The following JUND variants were observed in gnomAD, a reference collection of about 807,000 sequenced individuals.
JUND encodes transcription factor JunD.
Under a neutral mutation model 7.1 loss-of-function variants are expected in JUND, and 2 were observed. The ratio of observed to expected loss-of-function variants is 0.28; its 90% CI spans 0.11 to 0.88. The LOEUF is 0.88. Among genes scored for constraint, JUND ranks in the 40% least tolerant of loss-of-function variants. JUND has a pLI of 0.60. For synonymous variants in JUND, 335 were observed against 263.2 expected (o/e 1.27, Z -2.64); for missense variants, 479 against 519.1 (o/e 0.92, Z 0.75).
In JUND at chr19:18,280,564, G is replaced by C. The variant is rs748513125; in HGVS notation, c.921C>G (p.Asn307Lys). The C allele has an allele frequency of 6.2e-7, 1 of 1,612,748 alleles. No homozygotes were observed. The highest frequency in any genetic ancestry group is 8.5e-7 in the Non-Finnish European group (1 of 1,179,772). Residue 307 changes from asparagine (N) to lysine (K), a missense_variant, in exon 1 of 1, where the codon AAC becomes AAG. Physicochemically the swap from Asn to Lys is moderately conservative, Grantham distance 94 (BLOSUM62 0). This residue lies in a region of JUND where 63 missense variants were observed against 116.6 expected (regional missense o/e 0.54). Transcript: ENST00000252818. The surrounding 1 kb of genome is among the most constrained non-coding windows in gnomAD (Gnocchi z 4.1). ...EEKVKTLKSQNTELASTASLL... is the reference protein window; with the variant it reads ...EEKVKTLKSQKTELASTASLL... ...GGCTCGCCGTGGACGCCAGCTCCGT[G>C]TTCTGACTCTTGAGGGTCTTCACTT...
rs555333015 is a variant in JUND at position 18,281,080 on chromosome 19, C to G, written c.405G>C (p.Glu135Asp). 3 of 1,577,454 alleles carry G rather than the reference C, an allele frequency of 1.9e-6. No individual in the cohort carries two copies. The highest frequency in any genetic ancestry group is 2.3e-5 in the South Asian group (2 of 87,738). The change falls in exon 1 of 1, where the codon GAG (glutamate) becomes GAC (aspartate). Residue 135 changes from glutamate to aspartate, a missense_variant. Physicochemically the swap from Glu to Asp is conservative, Grantham distance 45 (BLOSUM62 2). Coordinates refer to ENST00000252818, the MANE Select transcript of JUND (RefSeq NM_005354.6). ...GGGCCTTGACGAAGCCCTCGGCGAA[C>G]TCCTGCTCCTCGCTGGCCGCCACCT... ...YPKVAASEEQ[E>D]FAEGFVKALE...
Position 18,280,801 on chromosome 19 carries a change from T to TG in JUND, c.683dup (p.Gly229ArgfsTer195), listed in dbSNP as rs747538658. 1.3e-6 allele frequency: 2 copies of TG among 1,572,722 alleles called. No individual in the cohort carries two copies. The highest frequency in any genetic ancestry group is 1.4e-5 in the African/African-American group (1 of 71,872). On this transcript the variant is annotated frameshift_variant, in exon 1 of 1. Coordinates refer to ENST00000252818, the MANE Select transcript of JUND (RefSeq NM_005354.6). LOFTEE classifies it high-confidence loss of function. The surrounding 1 kb of genome is among the most constrained non-coding windows in gnomAD (Gnocchi z 4.1). ...CCAGGCGCGGCGGCCCCAACGCGCC[T>TG]GGGGGTGGCGGCGGCGGGAAGGGCA...
chr19:18,280,192 A>C lies in JUND; in HGVS notation c.*249T>G. The C allele has an allele frequency of 3.1e-5, 13 of 419,102 alleles. No individual in the cohort carries two copies. The highest frequency in any genetic ancestry group is 6.5e-4 in the Middle Eastern group (1 of 1,530). 26.0% of individuals were successfully genotyped at this position (419,102 alleles called of 1,614,324 possible). A position where few individuals can be genotyped will look rare whatever the true frequency, so the allele number is the denominator to read the frequency against. On this transcript the variant is annotated 3_prime_UTR_variant, in exon 1 of 1. Transcript: ENST00000252818. The surrounding 1 kb of genome is among the most constrained non-coding windows in gnomAD (Gnocchi z 4.1). ...CAACACGGGGCGGCCGCGCGGGGGA[A>C]AGAGGCAGCGCGAGGGCGGGGGGGT...
Position 18,280,261 on chromosome 19 carries a change from T to TCCGGGGCGCCCCTTCCGAGG in JUND, c.*179_*180insCCTCGGAAGGGGCGCCCCGG. ...GGAGCAGGGGGTCCAGCTTGTCGAG[T>TCCGGGGCGCCCCTTCCGAGG]CCTGGGCACCCTCGGGGGGGGGGAA... On this transcript the variant is annotated 3_prime_UTR_variant, in exon 1 of 1. Coordinates refer to ENST00000252818, the MANE Select transcript of JUND (RefSeq NM_005354.6). This position sits in a 1 kb window ranked among gnomAD's most constrained non-coding sequence, Gnocchi z 4.1. The TCCGGGGCGCCCCTTCCGAGG allele has an allele frequency of 1.9e-6, 1 of 535,246 alleles. No individual in the cohort carries two copies. The allele number at this position is 535,246 out of a possible 1,614,324, so 33.2% of individuals were successfully genotyped here. A position where few individuals can be genotyped will look rare whatever the true frequency, so the allele number is the denominator to read the frequency against.
chr19:18,280,739 A>C lies in JUND; in HGVS notation c.746T>G (p.Val249Gly), dbSNP rs775778795. 1 of 1,607,826 alleles carries C rather than the reference A, an allele frequency of 6.2e-7. No homozygotes were observed. Among genetic ancestry groups the C allele is most frequent in the East Asian group, 2.2e-5 (1 of 44,750 alleles). ...CGGCGGGCTCTCGCCGAAGCTCGGCACGTCGGGCACCGTCTGTGGCTCGTC... is the reference window on the plus strand; with the variant it reads ...CGGCGGGCTCTCGCCGAAGCTCGGCCCGTCGGGCACCGTCTGTGGCTCGTC... ...LKDEPQTVPD[V>G]PSFGESPPLS... is the part of the protein sequence containing the mutation. The change falls in exon 1 of 1, where the codon GTG (valine) becomes GGG (glycine). Residue 249 changes from valine (V) to glycine (G), a missense_variant. Physicochemically the swap from Val to Gly is moderately radical, Grantham distance 109. This residue lies in a region of JUND where 63 missense variants were observed against 116.6 expected (regional missense o/e 0.54). Transcript: ENST00000252818. The surrounding 1 kb of genome is among the most constrained non-coding windows in gnomAD (Gnocchi z 4.1).
In JUND at chr19:18,280,231, C is replaced by G; in HGVS notation, c.*210G>C. ...GGGCGGGGGGGTCATGCGCTCGCCCCCCCGGGAGCAGGGGGTCCAGCTTGT... is the reference window on the plus strand; with the variant it reads ...GGGCGGGGGGGTCATGCGCTCGCCCGCCCGGGAGCAGGGGGTCCAGCTTGT... On this transcript the variant is annotated 3_prime_UTR_variant, in exon 1 of 1. Coordinates refer to ENST00000252818, the MANE Select transcript of JUND (RefSeq NM_005354.6). The surrounding 1 kb of genome is among the most constrained non-coding windows in gnomAD (Gnocchi z 4.1). 4.5e-6 allele frequency: 1 copy of G among 221,092 alleles called. No individual in the cohort carries two copies. Among genetic ancestry groups the G allele is most frequent in the South Asian group, 4.3e-5 (1 of 23,188 alleles). The allele number at this position is 221,092 out of a possible 1,614,324, so 13.7% of individuals were successfully genotyped here. A position where few individuals can be genotyped will look rare whatever the true frequency, so the allele number is the denominator to read the frequency against.
Position 18,281,518 on chromosome 19 carries a change from G to A in JUND, c.-34C>T, listed in dbSNP as rs983396538. The A allele has an allele frequency of 2.8e-5, 33 of 1,183,514 alleles. No individual in the cohort carries two copies. The highest frequency in any genetic ancestry group is 4.9e-5 in the African/African-American group (3 of 61,414). 73.3% of individuals were successfully genotyped at this position (1,183,514 alleles called of 1,614,324 possible). On this transcript the variant is annotated 5_prime_UTR_variant, in exon 1 of 1. Coordinates refer to ENST00000252818, the MANE Select transcript of JUND (RefSeq NM_005354.6). ...TCCCCCGCCGCGCCGGCCCGGGGGG[G>A]AGTGGCCGCGGCCTCCCGGGGGGCC...
chr19:18,280,420 G>T lies in JUND; in HGVS notation c.*21C>A. 2 of 1,541,836 alleles carry T rather than the reference G, an allele frequency of 1.3e-6. No homozygotes were observed. The highest frequency in any genetic ancestry group is 8.7e-7 in the Non-Finnish European group (1 of 1,145,824). ...CCCGCCCCTTGGGGAGGGTGGCCGC[G>T]CATGCGCCCCGCGCGCGGACTCAGT... is the stretch of plus-strand genomic sequence containing the variant. On this transcript the variant is annotated 3_prime_UTR_variant, in exon 1 of 1. Coordinates refer to ENST00000252818, the MANE Select transcript of JUND (RefSeq NM_005354.6). This position sits in a 1 kb window ranked among gnomAD's most constrained non-coding sequence, Gnocchi z 4.1.
In JUND at chr19:18,281,285, GCGGC is replaced by G; in HGVS notation, c.196_199del (p.Ala66ArgfsTer30). On this transcript the variant is annotated frameshift_variant, in exon 1 of 1. Transcript: ENST00000252818. LOFTEE classifies it low-confidence loss of function (END_TRUNC). The stretch of plus-strand genomic sequence containing the variant: ...GGCGCGCAGGGGGGTAGGAGGCGGC[GCGGC>G]CGCAGGCTTGAGCGCTGCCGCCACC... The G allele has an allele frequency of 7.1e-7, 1 of 1,415,686 alleles. No homozygotes were observed. The highest frequency in any genetic ancestry group is 9.1e-7 in the Non-Finnish European group (1 of 1,093,166). The allele number at this position is 1,415,686 out of a possible 1,614,324, so 87.7% of individuals were successfully genotyped here.
In JUND at chr19:18,280,560, C is replaced by T. The variant is rs1428317670; in HGVS notation, c.925G>A (p.Glu309Lys). The change falls in exon 1 of 1, where the codon GAG becomes AAG. Residue 309 changes from glutamate to lysine, a missense_variant. Coordinates refer to ENST00000252818, the MANE Select transcript of JUND (RefSeq NM_005354.6). The surrounding 1 kb of genome is among the most constrained non-coding windows in gnomAD (Gnocchi z 4.1). ...KVKTLKSQNT[E>K]LASTASLLRE... ...AGCAGGCTCGCCGTGGACGCCAGCT[C>T]CGTGTTCTGACTCTTGAGGGTCTTC... The T allele has an allele frequency of 6.2e-7, 1 of 1,612,796 alleles. No individual in the cohort carries two copies. The highest frequency in any genetic ancestry group is 1.7e-5 in the Admixed American group (1 of 59,992).
Position 18,281,235 on chromosome 19 carries a change from G to A in JUND, c.250C>T (p.Pro84Ser), listed in dbSNP as rs754397988. 147 of 1,486,374 alleles carry A rather than the reference G, an allele frequency of 9.9e-5. No individual in the cohort carries two copies. The highest frequency in any genetic ancestry group is 9.5e-4 in the Admixed American group (43 of 45,140). The allele number at this position is 1,486,374 out of a possible 1,614,324, so 92.1% of individuals were successfully genotyped here. ...TCGGGAGAGGCGAGCAGGCCGTCGG[G>A]GGGTGCCGCGCTGGGGGCGCCGTCG... ...RADGAPSAAP[P>S]DGLLASPDLG... Residue 84 changes from proline to serine, a missense_variant, in exon 1 of 1, where the codon CCC (proline) becomes TCC (serine). Pro to Ser is a moderately conservative substitution (Grantham distance 74, BLOSUM62 -1). This residue lies in a region of JUND where 374 missense variants were observed against 365.4 expected (regional missense o/e 1.02). Coordinates refer to ENST00000252818, the MANE Select transcript of JUND (RefSeq NM_005354.6).
rs1017860053 is a variant in JUND, at chr19:18,280,369, G to T, written c.*72C>A. The T allele has an allele frequency of 6.7e-7, 1 of 1,493,890 alleles. No homozygotes were observed. The highest frequency in any genetic ancestry group is 8.9e-7 in the Non-Finnish European group (1 of 1,123,610). The allele number at this position is 1,493,890 out of a possible 1,614,324, so 92.5% of individuals were successfully genotyped here. The stretch of plus-strand genomic sequence containing the variant: ...CAGGGCCGCACCCTCTCCAAGTCCG[G>T]GGCGCCCACGACACCCCCCCGCGAG... On this transcript the variant is annotated 3_prime_UTR_variant, in exon 1 of 1. Coordinates refer to ENST00000252818, the MANE Select transcript of JUND (RefSeq NM_005354.6). The surrounding 1 kb of genome is among the most constrained non-coding windows in gnomAD (Gnocchi z 4.1).
chr19:18,280,803 G>A lies in JUND; in HGVS notation c.682C>T (p.Pro228Ser). The A allele has an allele frequency of 6.4e-7, 1 of 1,571,590 alleles. No homozygotes were observed. Among genetic ancestry groups the A allele is most frequent in the Non-Finnish European group, 8.6e-7 (1 of 1,167,988 alleles). Residue 228 changes from proline (P) to serine (S), a missense_variant, in exon 1 of 1, where the codon CCA (proline) becomes TCA (serine). Transcript: ENST00000252818. This position sits in a 1 kb window ranked among gnomAD's most constrained non-coding sequence, Gnocchi z 4.1. The stretch of plus-strand genomic sequence containing the variant: ...AGGCGCGGCGGCCCCAACGCGCCTG[G>A]GGGTGGCGGCGGCGGGAAGGGCACA... ...EPVPFPPPPP[P>S]GALGPPRLAA...
In JUND at chr19:18,281,495, C is replaced by T; in HGVS notation, c.-11G>A. 7.9e-7 allele frequency: 1 copy of T among 1,271,934 alleles called. No individual in the cohort carries two copies. The highest frequency in any genetic ancestry group is 9.9e-7 in the Non-Finnish European group (1 of 1,011,552). 78.8% of individuals were successfully genotyped at this position (1,271,934 alleles called of 1,614,324 possible). A position where few individuals can be genotyped will look rare whatever the true frequency, so the allele number is the denominator to read the frequency against. ...GAAGGGTGTTTCCATCCTCCGCCTC[C>T]CCCGCCGCGCCGGCCCGGGGGGGAG... On this transcript the variant is annotated 5_prime_UTR_variant, in exon 1 of 1. Coordinates refer to ENST00000252818, the MANE Select transcript of JUND (RefSeq NM_005354.6).
Position 18,281,371 on chromosome 19 carries a change from C to A in JUND, c.114G>T (p.Thr38=), listed in dbSNP as rs1046820265. Reference sequence around the variant, plus strand: ...TCTTCATCATGCTGCCGGCCGCGGCCGTCGGGGGCGCCCCGGGGAACAAGC... The same window carrying A: ...TCTTCATCATGCTGCCGGCCGCGGCAGTCGGGGGCGCCCCGGGGAACAAGC... ...PGRLFPGAPP[T]AAAGSMMKKD... is the part of the protein sequence containing the mutation. The change falls in exon 1 of 1, where the codon ACG becomes ACT. Residue 38 remains threonine (T), a synonymous_variant. Transcript: ENST00000252818. 1 of 1,341,926 alleles carries A rather than the reference C, an allele frequency of 7.5e-7. No individual in the cohort carries two copies. Among genetic ancestry groups the A allele is most frequent in the Admixed American group, 4.1e-5 (1 of 24,288 alleles). 83.1% of individuals were successfully genotyped at this position (1,341,926 alleles called of 1,614,324 possible). A position where few individuals can be genotyped will look rare whatever the true frequency, so the allele number is the denominator to read the frequency against.
Position 18,280,648 on chromosome 19 carries a change from G to A in JUND, c.837C>T (p.Arg279=), listed in dbSNP as rs1429003007. The A allele has an allele frequency of 1.2e-6, 2 of 1,612,564 alleles. No individual in the cohort carries two copies. Among genetic ancestry groups the A allele is most frequent in the Non-Finnish European group, 1.7e-6 (2 of 1,179,746 alleles). ...GCTTGCGGCACTTGGAGGCGGCGAT[G>A]CGGTTGCGCAGCCGCTTGCGCTCCG... is the stretch of plus-strand genomic sequence containing the variant. ...IKAERKRLRN[R]IAASKCRKRK... is the part of the protein sequence containing the mutation. Residue 279 remains arginine, a synonymous_variant, in exon 1 of 1, where the codon CGC becomes CGT. Coordinates refer to ENST00000252818, the MANE Select transcript of JUND (RefSeq NM_005354.6). The surrounding 1 kb of genome is among the most constrained non-coding windows in gnomAD (Gnocchi z 4.1).
In JUND at chr19:18,281,426, C is replaced by T. The variant is rs41478151; in HGVS notation, c.59G>A (p.Gly20Asp). The part of the protein sequence containing the change: ...ALSGLGGGAS[G>D]SGGSFASPGR... ...CGGGGACGCGAAGCTGCCGCCGCTG[C>T]CACTGGCGCCGCCGCCCAGGCCGCT... is the stretch of plus-strand genomic sequence containing the variant. The change falls in exon 1 of 1, where the codon GGC (glycine) becomes GAC (aspartate). Residue 20 changes from glycine to aspartate, a missense_variant. Around this residue, in one of 3 missense-constraint regions of JUND, gnomAD observed 374 missense variants for 365.4 expected, o/e 1.02. Transcript: ENST00000252818. 2.4e-5 allele frequency: 33 copies of T among 1,364,902 alleles called. No homozygotes were observed. Among genetic ancestry groups the T allele is most frequent in the African/African-American group, 3.1e-5 (2 of 65,060 alleles). 84.5% of individuals were successfully genotyped at this position (1,364,902 alleles called of 1,614,324 possible). A position where few individuals can be genotyped will look rare whatever the true frequency, so the allele number is the denominator to read the frequency against.
At position 18,279,805 on chromosome 19, in the gene JUND, G is replaced by A. The variant is rs1969898555; in HGVS notation, c.*636C>T. On this transcript the variant is annotated 3_prime_UTR_variant, in exon 1 of 1. Coordinates refer to ENST00000252818, the MANE Select transcript of JUND (RefSeq NM_005354.6). ...GAAAACAGAAAACCGGGCGAACCAA[G>A]GATTACAAACAGGAATGTGGACTCG... 2 of 151,382 alleles carry A rather than the reference G, an allele frequency of 1.3e-5. No individual in the cohort carries two copies. The highest frequency in any genetic ancestry group is 2.0e-4 in the South Asian group (1 of 5,020). 9.4% of individuals were successfully genotyped at this position (151,382 alleles called of 1,614,324 possible).
Position 18,280,265 on chromosome 19 carries a change from G to GGGCGCCCCTTCCGAGTCCT in JUND, c.*175_*176insAGGACTCGGAAGGGGCGCC. 1 of 549,368 alleles carries GGGCGCCCCTTCCGAGTCCT rather than the reference G, an allele frequency of 1.8e-6. No individual in the cohort carries two copies. Among genetic ancestry groups the GGGCGCCCCTTCCGAGTCCT allele is most frequent in the Non-Finnish European group, 2.9e-6 (1 of 342,862 alleles). 34.0% of individuals were successfully genotyped at this position (549,368 alleles called of 1,614,324 possible). ...CAGGGGGTCCAGCTTGTCGAGTCCTGGGCACCCTCGGGGGGGGGGAATCCC... is the reference window on the plus strand; with the variant it reads ...CAGGGGGTCCAGCTTGTCGAGTCCTGGGCGCCCCTTCCGAGTCCTGGCACCCTCGGGGGGGGGGAATCCC... On this transcript the variant is annotated 3_prime_UTR_variant, in exon 1 of 1. Coordinates refer to ENST00000252818, the MANE Select transcript of JUND (RefSeq NM_005354.6). The surrounding 1 kb of genome is among the most constrained non-coding windows in gnomAD (Gnocchi z 4.1).
Sources: gnomAD v4.1 joint callset for allele counts on GRCh38, gnomAD v4.1.1 for gene constraint, gnomAD v4.1.1 regional missense constraint, Gnocchi (gnomAD v3.1) non-coding constraint, MANE v1.5 for transcripts, NCBI Gene and HGNC (gene_info 2026-07-23, HGNC 2026-07-21) for gene names.